Variants in PPARGC1A observed in about 807,000 individuals in gnomAD.
PPARGC1A encodes the protein peroxisome proliferator-activated receptor gamma coactivator 1-alpha.
A neutral mutation model predicts 88.7 loss-of-function variants in PPARGC1A; 25 were observed. The ratio of observed to expected loss-of-function variants is 0.28; its 90% CI spans 0.21 to 0.39. The LOEUF is 0.39. Among genes scored for constraint, PPARGC1A ranks in the 10% least tolerant of loss-of-function variants. PPARGC1A has a pLI of 1.00. For missense variants in PPARGC1A, 880 were observed against 968.7 expected, an observed-to-expected ratio of 0.91 and a Z score of 1.22; for synonymous variants, 363 against 355.6, an observed-to-expected ratio of 1.02 and a Z score of -0.24.
At chr4:23,869,936 A>G (rs556840285) in intron 2 of PPARGC1A, among the ~76,000 whole-genome samples, 18 of 152,348 alleles carry the variant, frequency 1.2e-4, no homozygotes, top group African/African-American at 4.3e-4. Flanking sequence ...ACTATTGATA[A>G]GGAAAAAGAA....
At chr4:24,131,973 C>A in the PPARGC1A span, among the ~76,000 whole-genome samples, 3 of 152,134 alleles carry the variant, frequency 2.0e-5, no homozygotes, top group Admixed American at 1.3e-4. Flanking sequence ...AAATAATGAA[C>A]CCATATTTAT....
chr4:24,395,410 T>C, the PPARGC1A span, among the ~76,000 whole-genome samples: 1 of 152,168 alleles, frequency 6.6e-6, no homozygotes, highest in African/African-American at 2.4e-5. Flanking sequence ...TTAAATAATA[T>C]AGTATATGAG....
At chr4:23,890,908 T>C (rs943657652), upstream of PPARGC1A, among the ~76,000 whole-genome samples, 9 of 152,158 alleles carry the variant, frequency 5.9e-5, no homozygotes, top group African/African-American at 1.9e-4. Flanking sequence ...CTATTTTTCA[T>C]ACATGTAGCG....
upstream of PPARGC1A, among the ~76,000 whole-genome samples, chr4:23,903,039 G>A (rs1719598980): frequency 6.6e-6 from 1 of 152,054 alleles, no homozygotes; most frequent in Non-Finnish European, 1.5e-5. Flanking sequence ...TCATGTTAAG[G>A]AGTGCAGTAC....
chr4:23,867,883 T>TACA (rs1266504223), intron 2 of PPARGC1A, among the ~76,000 whole-genome samples: 1 of 152,164 alleles, frequency 6.6e-6, no homozygotes, highest in Admixed American at 6.5e-5. Context: ...ACGAGGAAAC[T>TACA]ACAACAACAA....
At chr4:24,130,004 G>C in the PPARGC1A span, among the ~76,000 whole-genome samples, 1 of 152,038 alleles carries the variant, frequency 6.6e-6, no homozygotes, top group Non-Finnish European at 1.5e-5. Flanking sequence ...GTTGAGGGGT[G>C]GGGGGACCGG....
chr4:24,140,977 C>T, the PPARGC1A span, among the ~76,000 whole-genome samples: 2 of 152,182 alleles, frequency 1.3e-5, no homozygotes, highest in East Asian at 3.9e-4. Context: ...ATTCTCTAAA[C>T]CGTCTCAAAT....
chr4:24,201,606 T>A, the PPARGC1A span, among the ~76,000 whole-genome samples: 1 of 152,242 alleles, frequency 6.6e-6, no homozygotes, highest in Non-Finnish European at 1.5e-5. Flanking sequence ...TAATTGCATA[T>A]AATCTTCACT....
the PPARGC1A span, among the ~76,000 whole-genome samples, chr4:24,387,150 C>G: frequency 6.6e-6 from 1 of 152,294 alleles, no homozygotes; most frequent in African/African-American, 2.4e-5. Context: ...AAAGGATTCC[C>G]TATTTAATAA....
At chr4:24,003,793 A>C in the PPARGC1A span, among the ~76,000 whole-genome samples, 9 of 149,878 alleles carry the variant, frequency 6.0e-5, no homozygotes, top group Admixed American at 6.1e-4. Context: ...GAAGGGTTTA[A>C]TGAAAAGAGG....
chr4:23,997,799 C>A, the PPARGC1A span, among the ~76,000 whole-genome samples: 1 of 152,076 alleles, frequency 6.6e-6, no homozygotes, highest in African/African-American at 2.4e-5. Flanking sequence ...GCCAAAATCC[C>A]TTTCTATAAG....
the PPARGC1A span, among the ~76,000 whole-genome samples, chr4:23,934,613 A>G: frequency 6.6e-6 from 1 of 152,186 alleles, no homozygotes; most frequent in African/African-American, 2.4e-5. Flanking sequence ...TCTATTGACT[A>G]ATCAGAATAA....
the PPARGC1A span, among the ~76,000 whole-genome samples, chr4:24,161,160 G>C: frequency 1.3e-5 from 2 of 152,194 alleles, no homozygotes; most frequent in African/African-American, 2.4e-5. Context: ...CAAGAAGGAA[G>C]AATATAGCAT....
chr4:24,470,363 G>C, the PPARGC1A span, among the ~76,000 whole-genome samples: 1 of 150,218 alleles, frequency 6.7e-6, no homozygotes, highest in East Asian at 2.0e-4. This position sits in a 1 kb window ranked among gnomAD's most constrained non-coding sequence, Gnocchi z 5.8. Context: ...CCCGCTCCTG[G>C]AGAGCTGGAG....
chr4:24,284,470 G>C, the PPARGC1A span, among the ~76,000 whole-genome samples: 1 of 152,188 alleles, frequency 6.6e-6, no homozygotes, highest in African/African-American at 2.4e-5. Context: ...TTACTTCTGA[G>C]TTTCTTAGCC....
chr4:24,238,634 A>G, the PPARGC1A span, among the ~76,000 whole-genome samples: 1 of 152,168 alleles, frequency 6.6e-6, no homozygotes, highest in Non-Finnish European at 1.5e-5. Context: ...CACTGGAGTG[A>G]TCAAATGTAC....
chr4:24,240,936 T>C, the PPARGC1A span, among the ~76,000 whole-genome samples: 1 of 151,850 alleles, frequency 6.6e-6, no homozygotes, highest in Non-Finnish European at 1.5e-5. Context: ...GACAGTCACA[T>C]CCCCCTCTCA....
the PPARGC1A span, among the ~76,000 whole-genome samples, chr4:23,977,016 G>A: frequency 6.6e-6 from 1 of 151,600 alleles, no homozygotes; most frequent in Admixed American, 6.6e-5. Flanking sequence ...AAAAGAGAGA[G>A]GAGGAGGAAA....
At chr4:24,374,117 A>C in the PPARGC1A span, among the ~76,000 whole-genome samples, 1 of 152,344 alleles carries the variant, frequency 6.6e-6, no homozygotes, top group African/African-American at 2.4e-5. Flanking sequence ...ATTTTCCTAC[A>C]ACATTCAAAC....
Sources: gnomAD v4.1 joint callset for allele counts (sites outside exome capture counted in the v4.1 genomes callset) on GRCh38, gnomAD v4.1.1 for gene constraint, Gnocchi (gnomAD v3.1) non-coding constraint, MANE v1.5 for transcripts, NCBI Gene and HGNC (gene_info 2026-07-23, HGNC 2026-07-21) for gene names.